OR2L3: variants seen among roughly 807,000 people sequenced by gnomAD.
OR2L3 encodes the protein olfactory receptor 2L3.
For missense variants in OR2L3, 369 were observed against 376.6 expected, an observed-to-expected ratio of 0.98 and a Z score of 0.17; for synonymous variants, 131 against 139.1, an observed-to-expected ratio of 0.94 and a Z score of 0.41.
chr1:248,053,135 GTGT>G (rs1447843018), intron 1 of OR2L3, among the ~76,000 whole-genome samples: 3 of 152,070 alleles, frequency 2.0e-5, no homozygotes, highest in Non-Finnish European at 2.9e-5. Flanking sequence ...GCCCCAGTAA[GTGT>G]TGTTCTCTTC....
At chr1:248,050,779 C>T (rs1040477716) in intron 1 of OR2L3, among the ~76,000 whole-genome samples, 8 of 152,186 alleles carry the variant, frequency 5.3e-5, no homozygotes, top group East Asian at 1.9e-4. Context: ...ATATAAATTA[C>T]GGAGTATTGG....
intron 1 of OR2L3, among the ~76,000 whole-genome samples, chr1:248,047,391 T>A (rs1018157163): frequency 4.6e-5 from 7 of 152,194 alleles, no homozygotes; most frequent in African/African-American, 1.7e-4. Flanking sequence ...TTAGTGTTGT[T>A]TTTGCATAAA....
Position 248,061,307 on chromosome 1 carries a change from C to T in OR2L3, c.626C>T (p.Pro209Leu), listed in dbSNP as rs977782827. Reference sequence around the variant, plus strand: ...AGCACCACCATCTTTCTCGTGTTTCCCTTCATTGCTATTTCATGTTCCTAT... The same window carrying T: ...AGCACCACCATCTTTCTCGTGTTTCTCTTCATTGCTATTTCATGTTCCTAT... ...FLSTTIFLVF[P>L]FIAISCSYGR... The change falls in exon 2 of 2, where the codon CCC becomes CTC. Residue 209 changes from proline (P) to leucine (L), a missense_variant. Coordinates refer to ENST00000359959, the MANE Select transcript of OR2L3 (RefSeq NM_001004687.2). The T allele has an allele frequency of 6.2e-7, 1 of 1,613,118 alleles. No homozygotes were observed. Among genetic ancestry groups the T allele is most frequent in the Non-Finnish European group, 8.5e-7 (1 of 1,179,772 alleles).
At chr1:248,051,016 G>A (rs982098327) in intron 1 of OR2L3, among the ~76,000 whole-genome samples, 2 of 152,074 alleles carry the variant, frequency 1.3e-5, no homozygotes, top group African/African-American at 2.4e-5. Flanking sequence ...ATACTTAAGA[G>A]GAACACCATT....
chr1:248,058,194 G>A (rs74153044), intron 1 of OR2L3, among the ~76,000 whole-genome samples: 6,015 of 152,262 alleles, frequency 0.04, 399 homozygotes, highest in African/African-American at 0.14. Flanking sequence ...TAAAATGTTA[G>A]AAACATAACA....
chr1:248,052,546 G>A (rs528252828), intron 1 of OR2L3, among the ~76,000 whole-genome samples: 2 of 152,190 alleles, frequency 1.3e-5, no homozygotes, highest in South Asian at 2.1e-4. Context: ...GGCTAACATG[G>A]TGAAACCCCA....
chr1:248,058,753 T>A (rs992458281), intron 1 of OR2L3, among the ~76,000 whole-genome samples: 1 of 152,050 alleles, frequency 6.6e-6, no homozygotes, highest in Non-Finnish European at 1.5e-5. Flanking sequence ...TAAAGAATAT[T>A]AACTTCATTA....
intron 1 of OR2L3, among the ~76,000 whole-genome samples, chr1:248,048,200 C>T (rs1663143656): frequency 6.6e-6 from 1 of 152,162 alleles, no homozygotes; most frequent in Non-Finnish European, 1.5e-5. Flanking sequence ...ACCTCAATGG[C>T]AGGATGTGAC....
At position 248,060,671 on chromosome 1, in the gene OR2L3, A is replaced by G; in HGVS notation, c.-11A>G. The stretch of plus-strand genomic sequence containing the variant: ...TGTGTCTCCCTTCAGGAAAGAGCAC[A>G]CGAATGCCCCATGGAAAATTACAAT... On this transcript the variant is annotated 5_prime_UTR_variant, in exon 2 of 2. Coordinates refer to ENST00000359959, the MANE Select transcript of OR2L3 (RefSeq NM_001004687.2). 6.2e-7 allele frequency: 1 copy of G among 1,602,266 alleles called. No homozygotes were observed. The highest frequency in any genetic ancestry group is 8.5e-7 in the Non-Finnish European group (1 of 1,172,128).
At chr1:248,054,078 T>C (rs1295782848) in intron 1 of OR2L3, among the ~76,000 whole-genome samples, 1 of 152,196 alleles carries the variant, frequency 6.6e-6, no homozygotes, top group Non-Finnish European at 1.5e-5. Context: ...TTCTAGGGCT[T>C]TTATAGTTTT....
rs1663625235 is a variant in OR2L3 at position 248,061,254 on chromosome 1, C to T, written c.573C>T (p.Thr191=). The T allele has an allele frequency of 6.2e-7, 1 of 1,610,492 alleles. No individual in the cohort carries two copies. The highest frequency in any genetic ancestry group is 2.2e-5 in the East Asian group (1 of 44,664). The change falls in exon 2 of 2, where the codon ACC becomes ACT. Residue 191 remains threonine, a synonymous_variant. Coordinates refer to ENST00000359959, the MANE Select transcript of OR2L3 (RefSeq NM_001004687.2). ...TGGTGACTCTGGCCTGCATGGACACCTGGGTCTATGAGGGCACAGTGTTTT... is the reference window on the plus strand; with the variant it reads ...TGGTGACTCTGGCCTGCATGGACACTTGGGTCTATGAGGGCACAGTGTTTT... ...PAMVTLACMD[T]WVYEGTVFLS...
Position 248,062,311 on chromosome 1 carries a change from T to C in OR2L3, c.*691T>C, listed in dbSNP as rs1663671173. 6.6e-6 allele frequency: 1 copy of C among 152,258 alleles called. No homozygotes were observed. The highest frequency in any genetic ancestry group is 6.5e-5 in the Admixed American group (1 of 15,284). The allele number at this position is 152,258 out of a possible 1,614,324, so 9.4% of individuals were successfully genotyped here. ...TAATAAAAATGATTACATTTAGGTC[T>C]TTAACCTGTTTTGAGTTGATTTGGA... is the stretch of plus-strand genomic sequence containing the variant. On this transcript the variant is annotated 3_prime_UTR_variant, in exon 2 of 2. Transcript: ENST00000359959.
rs545523919 is a variant in OR2L3 at position 248,054,007 on chromosome 1, G to A, written c.-21-6654G>A. 9.9e-5 allele frequency among the ~76,000 whole-genome samples: 15 copies of A among 152,208 alleles called. No homozygotes were observed. In the South Asian group the frequency reaches 1.2e-3, roughly 13 times the overall value. On this transcript the variant is annotated intron_variant, in intron 1 of 1. Coordinates refer to ENST00000359959, the MANE Select transcript of OR2L3 (RefSeq NM_001004687.2). The stretch of plus-strand genomic sequence containing the variant: ...TTTGCTATTGTTGCAATTGCTTTTG[G>A]AGTCTTTGTCATAAAATCCTTTCCC...
chr1:248,054,372 G>A (rs1258966906), intron 1 of OR2L3, among the ~76,000 whole-genome samples: 1 of 152,106 alleles, frequency 6.6e-6, no homozygotes, highest in Non-Finnish European at 1.5e-5. Flanking sequence ...TTGTAGTATA[G>A]TTTGCAGTCG....
rs1380345525 is a variant in OR2L3, at chr1:248,061,533, C to T, written c.852C>T (p.Leu284=). ...AVFYTTLTPM[L]NPIIYSLRNK... ...TCTACACCACCCTCACTCCAATGCT[C>T]AACCCCATCATCTATAGCCTGAGGA... The change falls in exon 2 of 2, where the codon CTC becomes CTT. Residue 284 remains leucine (L), a synonymous_variant. Transcript: ENST00000359959. 20 of 1,613,806 alleles carry T rather than the reference C, an allele frequency of 1.2e-5. No individual in the cohort carries two copies. Among genetic ancestry groups the T allele is most frequent in the Admixed American group, 1.7e-5 (1 of 59,976 alleles).
intron 1 of OR2L3, among the ~76,000 whole-genome samples, chr1:248,050,092 A>G (rs1026022325): frequency 1.3e-5 from 2 of 152,150 alleles, no homozygotes; most frequent in African/African-American, 4.8e-5. Context: ...ATGTGTGGAG[A>G]GAGTCTGTGA....
chr1:248,050,187 C>T (rs142203438), intron 1 of OR2L3, among the ~76,000 whole-genome samples: 119 of 151,722 alleles, frequency 7.8e-4, no homozygotes, highest in African/African-American at 2.8e-3. Flanking sequence ...AAATAGTGAC[C>T]AGGACTTTTT....
In OR2L3 at chr1:248,060,694, A is replaced by G; in HGVS notation, c.13A>G (p.Asn5Asp). 6.2e-7 allele frequency: 1 copy of G among 1,612,376 alleles called. No individual in the cohort carries two copies. The highest frequency in any genetic ancestry group is 1.1e-5 in the South Asian group (1 of 90,948). ...ACACGAATGCCCCATGGAAAATTAC[A>G]ATCAAACATCAACTGATTTCATCTT... MENY[N>D]QTSTDFILLG... is the part of the protein sequence containing the mutation. Residue 5 changes from asparagine (N) to aspartate (D), a missense_variant, in exon 2 of 2, where the codon AAT (asparagine) becomes GAT (aspartate). Physicochemically the swap from Asn to Asp is conservative, Grantham distance 23. Transcript: ENST00000359959.
intron 1 of OR2L3, among the ~76,000 whole-genome samples, chr1:248,059,139 T>G (rs1364100820): frequency 6.6e-6 from 1 of 152,206 alleles, no homozygotes; most frequent in South Asian, 2.1e-4. Flanking sequence ...TGATCATGTG[T>G]GATTATGCAT....
Sources: allele counts gnomAD v4.1 joint callset (sites outside exome capture counted in the v4.1 genomes callset), GRCh38; gene constraint gnomAD v4.1.1; transcripts MANE v1.5; gene names NCBI Gene and HGNC (gene_info 2026-07-23, HGNC 2026-07-21).